MECOM: variants seen among roughly 807,000 people sequenced by gnomAD.
The protein encoded by MECOM is histone-lysine N-methyltransferase MECOM.
MECOM carries 13 observed loss-of-function variants against 116.3 expected under a neutral mutation model. The observed-to-expected ratio is 0.11, with a 90% CI of 0.07 to 0.18. The LOEUF (loss-of-function observed/expected upper bound fraction) is 0.18, where lower values mean the gene tolerates loss of function less well. Among genes scored for constraint, MECOM ranks in the 10% least tolerant of loss-of-function variants. The probability of loss-of-function intolerance (pLI) is 1.00; values close to 1 mark genes in which losing one functional copy is unlikely to be tolerated. For synonymous variants in MECOM, 528 were observed against 535.2 expected (o/e 0.99, Z 0.19); for missense variants, 1,299 against 1,509.0 (o/e 0.86, Z 2.31).
At chr3:169,156,632 G>C (rs955387193) in intron 2 of MECOM, among the ~76,000 whole-genome samples, 1 of 152,096 alleles carries the variant, frequency 6.6e-6, no homozygotes, top group Non-Finnish European at 1.5e-5. Flanking sequence ...TTGAGTACAC[G>C]GCCTGAGAAC....
intron 1 of MECOM, among the ~76,000 whole-genome samples, chr3:169,464,640 A>G (rs1747998440): frequency 6.6e-6 from 1 of 152,136 alleles, no homozygotes; most frequent in African/African-American, 2.4e-5. Flanking sequence ...ATTACTGTAT[A>G]TTATTCATTT....
intron 2 of MECOM, among the ~76,000 whole-genome samples, chr3:169,224,498 C>A (rs192284401): frequency 6.6e-6 from 1 of 152,272 alleles, no homozygotes; most frequent in East Asian, 1.9e-4. Context: ...GCCACTGTCA[C>A]CCACATATAG....
At chr3:169,546,638 A>G (rs1760759358) in intron 1 of MECOM, among the ~76,000 whole-genome samples, 1 of 152,208 alleles carries the variant, frequency 6.6e-6, no homozygotes, top group Non-Finnish European at 1.5e-5. Context: ...GTTGGACTGT[A>G]TCCAAACAAC....
intron 2 of MECOM, among the ~76,000 whole-genome samples, chr3:169,349,256 A>T (rs1409905801): frequency 6.6e-6 from 1 of 151,310 alleles, no homozygotes; most frequent in African/African-American, 2.4e-5. Flanking sequence ...TCTTTTTTTT[A>T]AACTTGGCAT....
intron 9 of MECOM, among the ~76,000 whole-genome samples, chr3:169,109,577 G>A (rs1344801530): frequency 1.3e-5 from 2 of 152,168 alleles, no homozygotes; most frequent in African/African-American, 2.4e-5. Context: ...ACCACGCCCG[G>A]CTAAATTTTT....
At chr3:169,113,389 A>T (rs1728064619) in intron 8 of MECOM, among the ~76,000 whole-genome samples, 1 of 150,972 alleles carries the variant, frequency 6.6e-6, no homozygotes, top group Non-Finnish European at 1.5e-5. Flanking sequence ...ATATATATTT[A>T]TATTTAAACA....
chr3:169,321,518 G>A (rs994323118), intron 2 of MECOM, among the ~76,000 whole-genome samples: 5 of 151,872 alleles, frequency 3.3e-5, no homozygotes, highest in Admixed American at 3.3e-4. Flanking sequence ...TCCAGCCTGG[G>A]TGACAGAGCG....
intron 2 of MECOM, among the ~76,000 whole-genome samples, chr3:169,225,575 G>T (rs1182896454): frequency 6.6e-6 from 1 of 152,174 alleles, no homozygotes; most frequent in African/African-American, 2.4e-5. Context: ...TGCTGACAAA[G>T]ATGAAATATT....
At chr3:169,242,137 C>G (rs904122393) in intron 2 of MECOM, among the ~76,000 whole-genome samples, 3 of 152,146 alleles carry the variant, frequency 2.0e-5, no homozygotes, top group African/African-American at 7.2e-5. Context: ...CCGTTTTACA[C>G]ATTAGGAGAT....
intron 2 of MECOM, among the ~76,000 whole-genome samples, chr3:169,263,035 G>A (rs1387937651): frequency 3.2e-5 from 4 of 125,824 alleles, no homozygotes; most frequent in Admixed American, 1.7e-4. Flanking sequence ...TAAACAATGA[G>A]CTGAACTTAA....
chr3:169,455,414 G>A (rs143016073), intron 1 of MECOM, among the ~76,000 whole-genome samples: 12 of 152,308 alleles, frequency 7.9e-5, no homozygotes, highest in African/African-American at 2.9e-4. Context: ...ATCAGGGCTG[G>A]TGATGGCACC....
chr3:169,094,957 C>T (rs1721010783), intron 13 of MECOM, 119 bp downstream of exon 13: 2 of 872,670 alleles, frequency 2.3e-6, no homozygotes, highest in Non-Finnish European at 3.2e-6. Flanking sequence ...GGAATTTTTA[C>T]AATAAGACCT....
intron 1 of MECOM, among the ~76,000 whole-genome samples, chr3:169,576,425 G>T (rs1764503485): frequency 6.6e-6 from 1 of 152,040 alleles, no homozygotes; most frequent in Non-Finnish European, 1.5e-5. Flanking sequence ...TGCACCCCAA[G>T]TCCCAGAGAA....
chr3:169,244,983 G>A (rs985458910), intron 2 of MECOM, among the ~76,000 whole-genome samples: 1 of 152,006 alleles, frequency 6.6e-6, no homozygotes, highest in Non-Finnish European at 1.5e-5. Context: ...ACAAACAACA[G>A]CAAAAAAACG....
chr3:169,512,800 C>G (rs1057351622), intron 1 of MECOM, among the ~76,000 whole-genome samples: 2 of 151,846 alleles, frequency 1.3e-5, no homozygotes, highest in Non-Finnish European at 2.9e-5. Flanking sequence ...TCCCAGCTCC[C>G]CCTTCCCACT....
intron 2 of MECOM, among the ~76,000 whole-genome samples, chr3:169,348,012 G>A (rs1256655070): frequency 2.4e-4 from 37 of 151,952 alleles, no homozygotes; most frequent in Admixed American, 2.4e-3. Flanking sequence ...AAAGTCCTCT[G>A]AAAATGGGCG....
intron 2 of MECOM, among the ~76,000 whole-genome samples, chr3:169,276,974 ATAC>A (rs1291483275): frequency 6.6e-6 from 1 of 151,598 alleles, no homozygotes; most frequent in Non-Finnish European, 1.5e-5. Context: ...GCAAAAAGAC[ATAC>A]AACATGAGCT....
chr3:169,430,975 A>AT (rs555575700), intron 1 of MECOM, among the ~76,000 whole-genome samples: 2 of 152,044 alleles, frequency 1.3e-5, no homozygotes, highest in Non-Finnish European at 2.9e-5. Context: ...AATTTTACAC[A>AT]TTTTCAAGTG....
intron 2 of MECOM, among the ~76,000 whole-genome samples, chr3:169,262,085 G>A (rs1009099493): frequency 3.7e-4 from 56 of 152,224 alleles, no homozygotes; most frequent in African/African-American, 1.3e-3. Context: ...TAAACTAATG[G>A]ACACGAGCCA....
Sources: gnomAD v4.1 joint callset for allele counts (sites outside exome capture counted in the v4.1 genomes callset) on GRCh38, gnomAD v4.1.1 for gene constraint, MANE v1.5 for transcripts, NCBI Gene and HGNC (gene_info 2026-07-23, HGNC 2026-07-21) for gene names.